Variants in BCAS3 observed in about 807,000 individuals in gnomAD.
The protein encoded by BCAS3 is BCAS4/BCAS3 fusion.
In BCAS3, 53 loss-of-function variants were observed where a neutral mutation model predicts 116.1. The ratio of observed to expected loss-of-function variants is 0.46; its 90% CI spans 0.37 to 0.57. BCAS3 has a LOEUF of 0.57. Among genes scored for constraint, BCAS3 ranks in the 20% least tolerant of loss-of-function variants. The pLI is 0.00. For missense variants in BCAS3, 917 were observed against 1,165.4 expected, an observed-to-expected ratio of 0.79 and a Z score of 3.10; for synonymous variants, 391 against 408.2, an observed-to-expected ratio of 0.96 and a Z score of 0.51.
intron 22 of BCAS3, among the ~76,000 whole-genome samples, chr17:61,094,165 G>T (rs1568339294): frequency 6.6e-6 from 1 of 152,140 alleles, no homozygotes; most frequent in Non-Finnish European, 1.5e-5. Flanking sequence ...TCTTTTTTAA[G>T]CTGTATTCAC....
rs563249613 is a variant in BCAS3 at position 61,087,679 on chromosome 17, A to G, written c.2425+3115A>G. On this transcript the variant is annotated intron_variant, in intron 22 of 23. Transcript: ENST00000407086. This position sits in a 1 kb window ranked among gnomAD's most constrained non-coding sequence, Gnocchi z 4.6. Reference sequence around the variant, plus strand: ...GGTTCATGCTTTTGCAAAGAAACACATTGCCTAAAATACATATTTTTAAAT... The same window carrying G: ...GGTTCATGCTTTTGCAAAGAAACACGTTGCCTAAAATACATATTTTTAAAT... Among the ~76,000 whole-genome samples the G allele has an allele frequency of 2.0e-5, 3 of 152,308 alleles. No homozygotes were observed. The South Asian group carries it at 6.2e-4, about 32-fold the overall frequency.
At chr17:61,294,908 A>G (rs768292564) in intron 22 of BCAS3, among the ~76,000 whole-genome samples, 7 of 152,108 alleles carry the variant, frequency 4.6e-5, no homozygotes, top group Non-Finnish European at 7.4e-5. Context: ...CTCTGCCCCT[A>G]TGGTGCCTTC....
At chr17:60,798,596 A>G (rs2047421780) in intron 6 of BCAS3, among the ~76,000 whole-genome samples, 1 of 152,194 alleles carries the variant, frequency 6.6e-6, no homozygotes, top group Non-Finnish European at 1.5e-5. Context: ...GCTGAAGAAC[A>G]TGTTGGTCGC....
chr17:61,291,020 T>C (rs1390716429), intron 22 of BCAS3, among the ~76,000 whole-genome samples: 1 of 152,164 alleles, frequency 6.6e-6, no homozygotes, highest in East Asian at 1.9e-4. Context: ...GACCTCATAA[T>C]CCACCCGCCT....
At position 60,924,514 on chromosome 17, in the gene BCAS3, CTGTCTT is replaced by C; in HGVS notation, c.1087+16_1087+21del. 2.1e-6 allele frequency: 3 copies of C among 1,406,854 alleles called. No homozygotes were observed. Among genetic ancestry groups the C allele is most frequent in the East Asian group, 4.8e-5 (2 of 41,274 alleles). 87.1% of individuals were successfully genotyped at this position (1,406,854 alleles called of 1,614,324 possible). On this transcript the variant is annotated intron_variant, in intron 13 of 23. Transcript: ENST00000407086. The stretch of plus-strand genomic sequence containing the variant: ...TTAATACAAGTGGTAAGTTCGCTCT[CTGTCTT>C]TTTTTTTTTTTTTTTTGTAGACCAT...
rs1215769274 is a variant in BCAS3 at position 61,387,257 on chromosome 17, C to T, written c.2594-4720C>T. Among the ~76,000 whole-genome samples the T allele has an allele frequency of 6.6e-6, 1 of 152,226 alleles. No individual in the cohort carries two copies. The highest frequency in any genetic ancestry group is 1.5e-5 in the Non-Finnish European group (1 of 68,030). On this transcript the variant is annotated intron_variant, in intron 23 of 23. Transcript: ENST00000407086. This position sits in a 1 kb window ranked among gnomAD's most constrained non-coding sequence, Gnocchi z 6.2. ...GGTGGAGGTGCATGGGCCCATGCTG[C>T]ACGGCCCAGCTCAGGAGTAGGACAA...
At chr17:61,146,476 ATACT>A (rs1404275010) in intron 22 of BCAS3, among the ~76,000 whole-genome samples, 1 of 152,082 alleles carries the variant, frequency 6.6e-6, no homozygotes, top group Non-Finnish European at 1.5e-5. Context: ...TTGCTTTGAA[ATACT>A]TACTGTTTAA....
At chr17:61,340,013 G>A (rs1186378992) in intron 22 of BCAS3, among the ~76,000 whole-genome samples, 2 of 152,132 alleles carry the variant, frequency 1.3e-5, no homozygotes, top group Admixed American at 6.5e-5. Flanking sequence ...AAAAAGAAAC[G>A]GGGACGACAT....
At chr17:61,022,550 A>G (rs1427065758) in intron 16 of BCAS3, among the ~76,000 whole-genome samples, 1 of 151,564 alleles carries the variant, frequency 6.6e-6, no homozygotes, top group East Asian at 2.0e-4. Context: ...AGCCTATACC[A>G]TATTTTTAAA....
intron 23 of BCAS3, among the ~76,000 whole-genome samples, chr17:61,372,487 A>T (rs538929248): frequency 6.6e-6 from 1 of 152,316 alleles, no homozygotes; most frequent in South Asian, 2.1e-4. Context: ...CTCCAGAACC[A>T]TCTATTCAGC....
In BCAS3 at chr17:61,276,582, A is replaced by G. The variant is rs890848418; in HGVS notation, c.2426-91745A>G. Among the ~76,000 whole-genome samples the G allele has an allele frequency of 5.9e-5, 9 of 152,202 alleles. No homozygotes were observed. The highest frequency in any genetic ancestry group is 3.9e-4 in the Admixed American group (6 of 15,284). ...ATACTCCATGTTTATAGATCAGAAG[A>G]CAAAATTGTTAAGACGGCAGTGCTC... On this transcript the variant is annotated intron_variant, in intron 22 of 23. Coordinates refer to ENST00000407086, the MANE Select transcript of BCAS3 (RefSeq NM_017679.5). This position sits in a 1 kb window ranked among gnomAD's most constrained non-coding sequence, Gnocchi z 4.2.
chr17:60,819,674 A>G (rs1175149294), intron 7 of BCAS3, among the ~76,000 whole-genome samples: 1 of 152,178 alleles, frequency 6.6e-6, no homozygotes, highest in Non-Finnish European at 1.5e-5. Context: ...GAGTTTAAAT[A>G]AAATAACACA....
intron 7 of BCAS3, among the ~76,000 whole-genome samples, chr17:60,829,715 T>C (rs1299715860): frequency 6.6e-6 from 1 of 152,192 alleles, no homozygotes; most frequent in Non-Finnish European, 1.5e-5. Flanking sequence ...TCTATCTTAT[T>C]ATCTTCTTAT....
Position 60,736,456 on chromosome 17 carries a change from G to A in BCAS3, c.322-10742G>A, listed in dbSNP as rs553714742. On this transcript the variant is annotated intron_variant, in intron 5 of 23. Coordinates refer to ENST00000407086, the MANE Select transcript of BCAS3 (RefSeq NM_017679.5). ...CCACGTCAGCCTCCCAAAGTGCTGG[G>A]ATTACAGGAGTGAGCCACCACACAC... 3.3e-5 allele frequency among the ~76,000 whole-genome samples: 5 copies of A among 152,236 alleles called. No individual in the cohort carries two copies. The South Asian group carries it at 1.0e-3, about 32-fold the overall frequency.
rs2065787524 is a variant in BCAS3 at position 61,020,327 on chromosome 17, T to G, written c.1637+4426T>G. 6.6e-6 allele frequency among the ~76,000 whole-genome samples: 1 copy of G among 152,198 alleles called. No individual in the cohort carries two copies. The highest frequency in any genetic ancestry group is 1.5e-5 in the Non-Finnish European group (1 of 68,034). On this transcript the variant is annotated intron_variant, in intron 16 of 23. Transcript: ENST00000407086. The surrounding 1 kb of genome is among the most constrained non-coding windows in gnomAD (Gnocchi z 4.5). ...CACTGCGAGACATACATGAGGCCAG[T>G]AGAACTACAAATAGCAGAAGACAGA...
At chr17:60,828,222 A>G (rs2050605849) in intron 7 of BCAS3, among the ~76,000 whole-genome samples, 1 of 152,226 alleles carries the variant, frequency 6.6e-6, no homozygotes, top group East Asian at 1.9e-4. Context: ...AATTCCATAC[A>G]GGCATGCTTA....
Position 61,226,050 on chromosome 17 carries a change from C to G in BCAS3, c.2425+141486C>G, listed in dbSNP as rs2082355975. Among the ~76,000 whole-genome samples, 1 of 152,118 alleles carries G rather than the reference C, an allele frequency of 6.6e-6. No homozygotes were observed. The highest frequency in any genetic ancestry group is 2.1e-4 in the South Asian group (1 of 4,830). ...TTCCAATTTGATACTGTTCTGTGTT[C>G]AAAAATACAGCATGAGCAAGCTGTA... On this transcript the variant is annotated intron_variant, in intron 22 of 23. Transcript: ENST00000407086. This position sits in a 1 kb window ranked among gnomAD's most constrained non-coding sequence, Gnocchi z 6.0.
chr17:60,899,002 A>G (rs1359679294), intron 10 of BCAS3, among the ~76,000 whole-genome samples: 1 of 152,078 alleles, frequency 6.6e-6, no homozygotes, highest in Non-Finnish European at 1.5e-5. Flanking sequence ...GGGCAGTCCC[A>G]AGGACCCTGG....
intron 14 of BCAS3, among the ~76,000 whole-genome samples, chr17:60,974,992 C>CTTTTTTTTTTT (rs1568007292): frequency 2.1e-5 from 3 of 142,026 alleles, no homozygotes; most frequent in African/African-American, 8.9e-5. Flanking sequence ...GTTTTTTTTG[C>CTTTTTTTTTTT]TTTTTTGTTT....
Sources: allele counts gnomAD v4.1 joint callset (sites outside exome capture counted in the v4.1 genomes callset), GRCh38; gene constraint gnomAD v4.1.1; non-coding constraint Gnocchi (gnomAD v3.1); transcripts MANE v1.5; gene names NCBI Gene and HGNC (gene_info 2026-07-23, HGNC 2026-07-21).